Variants in LAMB4 observed in about 807,000 individuals in gnomAD.
LAMB4 encodes laminin subunit beta 4, also known as laminin subunit beta-4.
In LAMB4, 196 loss-of-function variants were observed where a neutral mutation model predicts 199.2. The observed-to-expected ratio is 0.98, with a 90% CI of 0.88 to 1.11. LAMB4 has a LOEUF of 1.11. Among genes scored for constraint, LAMB4 ranks in the 50% least tolerant of loss-of-function variants. The pLI, the probability that LAMB4 is intolerant of heterozygous loss-of-function variation, is 0.00. For missense variants in LAMB4, 2,080 were observed against 2,171.2 expected (o/e 0.96, Z 0.83); for synonymous variants, 744 against 770.6 (o/e 0.97, Z 0.57).
At chr7:108,115,184 C>A (rs1458676639) in intron 3 of LAMB4, among the ~76,000 whole-genome samples, 2 of 152,240 alleles carry the variant, frequency 1.3e-5, no homozygotes, top group Non-Finnish European at 1.5e-5. Context: ...CAAAGACTAA[C>A]CAAAAAGACT....
Position 108,066,481 on chromosome 7 carries a change from C to T in LAMB4, c.2566G>A (p.Gly856Arg). 1 of 1,614,112 alleles carries T rather than the reference C, an allele frequency of 6.2e-7. No individual in the cohort carries two copies. The highest frequency in any genetic ancestry group is 8.5e-7 in the Non-Finnish European group (1 of 1,180,000). ...GGGCAAGGGTGGCAGCTGGGAAATC[C>T]AAAGTAGCCTGCCAGGCAGCGATCA... Reference protein sequence around the residue: ...RCDRCLAGYFGFPSCHPCPCN... With the variant: ...RCDRCLAGYFRFPSCHPCPCN... The change falls in exon 20 of 34, where the codon GGA becomes AGA. Residue 856 changes from glycine to arginine, a missense_variant. Transcript: ENST00000388781.
intron 14 of LAMB4, among the ~76,000 whole-genome samples, chr7:108,082,433 G>A (rs1361245731): frequency 1.3e-5 from 2 of 152,060 alleles, no homozygotes; most frequent in East Asian, 1.9e-4. Context: ...ATTGGGGAAG[G>A]GGGTATACCC....
intron 33 of LAMB4, chr7:108,026,920 A>G (rs1299767146): frequency 5.8e-6 from 3 of 517,906 alleles, no homozygotes; most frequent in Non-Finnish European, 1.2e-5. Flanking sequence ...AACAGCCTCA[A>G]AAGGAAAAGA....
chr7:108,044,948 C>T (rs894194809), intron 28 of LAMB4, among the ~76,000 whole-genome samples: 36 of 101,814 alleles, frequency 3.5e-4, no homozygotes, highest in African/African-American at 1.5e-3. Flanking sequence ...GAGTGAGATT[C>T]TTGTCTCAAA....
chr7:108,053,262 G>C (rs889414477), intron 25 of LAMB4, among the ~76,000 whole-genome samples: 7 of 152,174 alleles, frequency 4.6e-5, no homozygotes, highest in Non-Finnish European at 1.0e-4. Flanking sequence ...GTAGCTTGCC[G>C]AAAGCCACAC....
At chr7:108,038,294 G>A (rs556053249) in intron 29 of LAMB4, among the ~76,000 whole-genome samples, 19 of 152,074 alleles carry the variant, frequency 1.2e-4, no homozygotes, top group Admixed American at 8.5e-4. Context: ...TGAGTAGCTG[G>A]GATTACAGGT....
chr7:108,116,060 A>T lies in LAMB4; in HGVS notation c.136T>A (p.Ser46Thr), dbSNP rs772133080. 9 of 1,614,082 alleles carry T rather than the reference A, an allele frequency of 5.6e-6. No individual in the cohort carries two copies. The highest frequency in any genetic ancestry group is 7.6e-6 in the Non-Finnish European group (9 of 1,179,972). Residue 46 changes from serine to threonine, a missense_variant, in exon 3 of 34, where the codon TCT (serine) becomes ACT (threonine). Transcript: ENST00000388781. ...GCTCTGCTCAGCCCACAGGTAGAAG[A>T]AGCCATAAGCTGCGTGTTCCTGCCC... ...LVGRNTQLMA[S>T]STCGLSRAQK...
chr7:108,066,247 A>C, intron 20 of LAMB4, 122 bp downstream of exon 20: 2 of 744,192 alleles, frequency 2.7e-6, no homozygotes, highest in Non-Finnish European at 4.4e-6. Flanking sequence ...GCTCTCCCCG[A>C]CCTATAACAG....
intron 29 of LAMB4, among the ~76,000 whole-genome samples, chr7:108,043,479 G>A (rs557181181): frequency 1.7e-4 from 25 of 147,118 alleles, no homozygotes; most frequent in South Asian, 6.8e-4. Flanking sequence ...AAAAACCAAA[G>A]GGTATATCAT....
In LAMB4 at chr7:108,077,063, TTCTG is replaced by T. The variant is rs780686247; in HGVS notation, c.2004-3_2004del. 2.5e-6 allele frequency: 4 copies of T among 1,613,300 alleles called. No homozygotes were observed. The highest frequency in any genetic ancestry group is 3.4e-6 in the Non-Finnish European group (4 of 1,179,632). On this transcript the variant is annotated splice_acceptor_variant and splice_polypyrimidine_tract_variant and coding_sequence_variant and intron_variant, in exon 17 of 34. Transcript: ENST00000388781. LOFTEE classifies it high-confidence loss of function. ...CAGATGGGTGTGGGAAGCAGCATGA[TTCTG>T]TATTAAGAAAGATAAAGCAAAAATT...
intron 28 of LAMB4, among the ~76,000 whole-genome samples, chr7:108,047,293 C>T (rs979142567): frequency 3.9e-5 from 6 of 151,996 alleles, no homozygotes; most frequent in Non-Finnish European, 8.8e-5. Context: ...AGTGTGCCTG[C>T]CTCTTCTGCC....
At chr7:108,017,884 A>C in the LAMB4 span, among the ~76,000 whole-genome samples, 3 of 152,308 alleles carry the variant, frequency 2.0e-5, no homozygotes, top group Admixed American at 2.0e-4. Context: ...TAGGAGGGAG[A>C]CCAGGTATAT....
rs748192480 is a variant in LAMB4, at chr7:108,026,924, G to C, written c.5146+2119C>G. On this transcript the variant is annotated intron_variant, in intron 33 of 33. Transcript: ENST00000388781. Reference sequence around the variant, plus strand: ...TGAGTTCTGAAAACAGCCTCAAAAGGAAAAGAGAAAAGGCAGTAGAATGCC... The same window carrying C: ...TGAGTTCTGAAAACAGCCTCAAAAGCAAAAGAGAAAAGGCAGTAGAATGCC... 1.2e-5 allele frequency: 6 copies of C among 517,502 alleles called. No homozygotes were observed. The Admixed American group carries it at 1.2e-4, about 10-fold the overall frequency. 32.1% of individuals were successfully genotyped at this position (517,502 alleles called of 1,614,324 possible). A position where few individuals can be genotyped will look rare whatever the true frequency, so the allele number is the denominator to read the frequency against.
At chr7:108,020,563 C>T (rs540702654), downstream of LAMB4, among the ~76,000 whole-genome samples, 35 of 151,526 alleles carry the variant, frequency 2.3e-4, no homozygotes, top group African/African-American at 8.0e-4. Context: ...TCTTTACATC[C>T]TTTAATTCTT....
chr7:108,046,298 C>A (rs2035622380), intron 28 of LAMB4, among the ~76,000 whole-genome samples: 2 of 148,068 alleles, frequency 1.4e-5, no homozygotes, highest in East Asian at 4.0e-4. Flanking sequence ...ACCATGTTGG[C>A]CAGGCTGGTC....
intron 33 of LAMB4, chr7:108,026,728 T>C (rs1167074339): frequency 2.0e-5 from 6 of 297,846 alleles, no homozygotes; most frequent in Non-Finnish European, 4.0e-5. Context: ...GGCTGAAGAC[T>C]AGAGTCCATT....
rs530644133 is a variant in LAMB4, at chr7:108,093,035, G to A, written c.1471-619C>T. 4.6e-5 allele frequency among the ~76,000 whole-genome samples: 7 copies of A among 152,240 alleles called. No individual in the cohort carries two copies. The South Asian group carries it at 6.2e-4, about 14-fold the overall frequency. The stretch of plus-strand genomic sequence containing the variant: ...CAATCTGGGTTATATAAATCCTATC[G>A]GAATAGAAGTTCTTCTACCAGCCTA... On this transcript the variant is annotated intron_variant, in intron 12 of 33. Coordinates refer to ENST00000388781, the MANE Select transcript of LAMB4 (RefSeq NM_007356.3).
intron 32 of LAMB4, among the ~76,000 whole-genome samples, chr7:108,029,891 A>G (rs1038768963): frequency 1.3e-5 from 2 of 152,120 alleles, no homozygotes; most frequent in African/African-American, 2.4e-5. Flanking sequence ...AGGCCGAGGC[A>G]GGCGGATCAT....
intron 3 of LAMB4, among the ~76,000 whole-genome samples, chr7:108,113,137 G>A (rs1470162334): frequency 1.3e-5 from 2 of 152,068 alleles, no homozygotes; most frequent in African/African-American, 2.4e-5. Context: ...CTATTAAAAT[G>A]CCACCATCTT....
Sources: gnomAD v4.1 joint callset for allele counts (sites outside exome capture counted in the v4.1 genomes callset) on GRCh38, gnomAD v4.1.1 for gene constraint, MANE v1.5 for transcripts, NCBI Gene and HGNC (gene_info 2026-07-23, HGNC 2026-07-21) for gene names.